ZNF804A: variants seen among roughly 807,000 people sequenced by gnomAD.
ZNF804A encodes the protein zinc finger protein 804A.
ZNF804A carries 2 observed loss-of-function variants against 16.5 expected under a neutral mutation model. The ratio of observed to expected loss-of-function variants is 0.12; its 90% CI spans 0.05 to 0.38. The LOEUF (loss-of-function observed/expected upper bound fraction) is 0.38, where lower values mean the gene tolerates loss of function less well. ZNF804A is among the 10% of genes least tolerant of loss of function. The pLI, the probability that ZNF804A is intolerant of heterozygous loss-of-function variation, is 0.99. For missense variants in ZNF804A, 1,473 were observed against 1,390.7 expected (o/e 1.06, Z -0.94); for synonymous variants, 534 against 489.6 (o/e 1.09, Z -1.20).
chr2:184,641,250 C>G (rs1475931596), intron 1 of ZNF804A, among the ~76,000 whole-genome samples: 1 of 152,100 alleles, frequency 6.6e-6, no homozygotes. Flanking sequence ...CATACCCAGC[C>G]AAAACTTTTA....
intron 2 of ZNF804A, among the ~76,000 whole-genome samples, chr2:184,888,384 A>G (rs1427382967): frequency 1.3e-5 from 2 of 152,168 alleles, no homozygotes; most frequent in Non-Finnish European, 2.9e-5. Flanking sequence ...GAGATGTAAT[A>G]TATGTGTGGC....
At chr2:184,628,080 C>T (rs1045431275) in intron 1 of ZNF804A, among the ~76,000 whole-genome samples, 1 of 151,630 alleles carries the variant, frequency 6.6e-6, no homozygotes, top group African/African-American at 2.4e-5. Context: ...TTTGGGAGGC[C>T]GAGGCGGGCG....
intron 1 of ZNF804A, among the ~76,000 whole-genome samples, chr2:184,748,899 T>G (rs949039425): frequency 4.0e-5 from 6 of 151,694 alleles, no homozygotes; most frequent in Middle Eastern, 6.8e-3. Flanking sequence ...ATGTTGTAGG[T>G]GTGCGGCTTT....
chr2:184,654,221 A>G (rs1692039023), intron 1 of ZNF804A, among the ~76,000 whole-genome samples: 1 of 152,228 alleles, frequency 6.6e-6, no homozygotes, highest in Admixed American at 6.5e-5. Context: ...AGACACAAAG[A>G]CAGGCAAATA....
chr2:184,677,843 T>C (rs1474910411), intron 1 of ZNF804A, among the ~76,000 whole-genome samples: 1 of 152,074 alleles, frequency 6.6e-6, no homozygotes, highest in African/African-American at 2.4e-5. Context: ...TTTAAAATTA[T>C]ATAATTTTTA....
intron 1 of ZNF804A, among the ~76,000 whole-genome samples, chr2:184,603,460 G>T (rs1192953693): frequency 1.3e-5 from 2 of 152,072 alleles, no homozygotes; most frequent in Admixed American, 6.5e-5. Context: ...ACACTATTTG[G>T]CCTTTTGTTT....
At chr2:184,767,249 A>G (rs893650036) in intron 1 of ZNF804A, among the ~76,000 whole-genome samples, 8 of 152,186 alleles carry the variant, frequency 5.3e-5, no homozygotes, top group African/African-American at 1.7e-4. Context: ...TATGCACACA[A>G]TGGAATATTA....
intron 2 of ZNF804A, among the ~76,000 whole-genome samples, chr2:184,893,741 T>C (rs905286691): frequency 1.3e-5 from 2 of 152,186 alleles, no homozygotes; most frequent in Admixed American, 1.3e-4. Context: ...TGAGTCTTCA[T>C]AGACTTTGTG....
Position 184,887,190 on chromosome 2 carries a change from G to C in ZNF804A, c.255+20678G>C, listed in dbSNP as rs555695966. ...AGTTCCACAAATCTCCAGGGCAGGG[G>C]CAAAATGCCACCAGTCTGTTTGCTA... On this transcript the variant is annotated intron_variant, in intron 2 of 3. Transcript: ENST00000302277. Among the ~76,000 whole-genome samples, 303 of 152,280 alleles carry C rather than the reference G, an allele frequency of 2.0e-3. 1 individual carries two copies. The highest frequency in any genetic ancestry group is 7.0e-3 in the African/African-American group (291 of 41,560).
chr2:184,747,514 G>A (rs753630738), intron 1 of ZNF804A, among the ~76,000 whole-genome samples: 11 of 150,798 alleles, frequency 7.3e-5, no homozygotes, highest in African/African-American at 7.3e-5. Flanking sequence ...ACACCGTTAT[G>A]TATTTCATAA....
At chr2:184,787,474 C>T (rs950145943) in intron 1 of ZNF804A, among the ~76,000 whole-genome samples, 3 of 151,960 alleles carry the variant, frequency 2.0e-5, no homozygotes, top group South Asian at 2.1e-4. Context: ...TTGCTACCAA[C>T]AGTGTCTGAG....
rs540173351 is a variant in ZNF804A at position 184,699,076 on chromosome 2, G to A, written c.111+100006G>A. Among the ~76,000 whole-genome samples, 361 of 152,074 alleles carry A rather than the reference G, an allele frequency of 2.4e-3. 1 individual carries two copies. The highest frequency in any genetic ancestry group is 8.4e-3 in the African/African-American group (348 of 41,498). On this transcript the variant is annotated intron_variant, in intron 1 of 3. Transcript: ENST00000302277. ...GGGGTGGACACCTGAATAAAACTGG[G>A]ATTCTATAACTAAAGAAAGCAGGAA...
chr2:184,937,667 T>C lies in ZNF804A; in HGVS notation c.2271T>C (p.Gly757=). 1 of 1,614,032 alleles carries C rather than the reference T, an allele frequency of 6.2e-7. No individual in the cohort carries two copies. The highest frequency in any genetic ancestry group is 1.1e-5 in the South Asian group (1 of 91,080). Residue 757 remains glycine (G), a synonymous_variant, in exon 4 of 4, where the codon GGT becomes GGC. Coordinates refer to ENST00000302277, the MANE Select transcript of ZNF804A (RefSeq NM_194250.2). Reference sequence around the variant, plus strand: ...GTCAGAATCAGGCTGTTAAAAGAGGTTACAATTCTGTCATGAATGAATCAG... The same window carrying C: ...GTCAGAATCAGGCTGTTAAAAGAGGCTACAATTCTGTCATGAATGAATCAG... The part of the protein sequence containing the change: ...HMSQNQAVKR[G]YNSVMNESER...
Position 184,685,182 on chromosome 2 carries a change from T to A in ZNF804A, c.111+86112T>A, listed in dbSNP as rs71430158. On this transcript the variant is annotated intron_variant, in intron 1 of 3. Coordinates refer to ENST00000302277, the MANE Select transcript of ZNF804A (RefSeq NM_194250.2). ...CAGCTCCAGGCTCTGGCATAGGTGC[T>A]GGCTTCGTGTGAGGTTGTAGCTGGA... Among the ~76,000 whole-genome samples the A allele has an allele frequency of 4.9e-3, 750 of 152,188 alleles. 6 individuals carry two copies. Among genetic ancestry groups the A allele is most frequent in the Admixed American group, 9.4e-3 (143 of 15,290 alleles).
At chr2:184,786,206 C>T (rs1465805665) in intron 1 of ZNF804A, among the ~76,000 whole-genome samples, 1 of 151,956 alleles carries the variant, frequency 6.6e-6, no homozygotes, top group Admixed American at 6.6e-5. Context: ...CCTTTCTAGT[C>T]AGTAAATACT....
intron 1 of ZNF804A, among the ~76,000 whole-genome samples, chr2:184,754,859 G>T (rs562472957): frequency 1.3e-5 from 2 of 151,936 alleles, no homozygotes; most frequent in Non-Finnish European, 2.9e-5. Flanking sequence ...CATGGTGGAA[G>T]TTGAAGGAGA....
chr2:184,655,565 G>T (rs1053720542), intron 1 of ZNF804A, among the ~76,000 whole-genome samples: 2 of 152,016 alleles, frequency 1.3e-5, no homozygotes, highest in Non-Finnish European at 2.9e-5. Flanking sequence ...GGTCCTTTTT[G>T]GATGAAAGTG....
At position 184,935,773 on chromosome 2, in the gene ZNF804A, C is replaced by A. The variant is rs1685774498; in HGVS notation, c.387-10C>A. The A allele has an allele frequency of 6.4e-7, 1 of 1,566,124 alleles. No homozygotes were observed. Among genetic ancestry groups the A allele is most frequent in the Non-Finnish European group, 8.6e-7 (1 of 1,159,020 alleles). The stretch of plus-strand genomic sequence containing the variant: ...TGCTATTTAACACATGCTTCTGTTT[C>A]TCTCTCTAGTGCTCCTGGAAGTGGC... On this transcript the variant is annotated splice_polypyrimidine_tract_variant and intron_variant, in intron 3 of 3. Coordinates refer to ENST00000302277, the MANE Select transcript of ZNF804A (RefSeq NM_194250.2).
intron 1 of ZNF804A, among the ~76,000 whole-genome samples, chr2:184,757,461 C>T (rs948013055): frequency 3.2e-4 from 48 of 151,998 alleles, no homozygotes; most frequent in African/African-American, 1.1e-3. Flanking sequence ...ATATCTGTTC[C>T]TCTTAAATCA....
Sources: gnomAD v4.1 joint callset for allele counts (sites outside exome capture counted in the v4.1 genomes callset) on GRCh38, gnomAD v4.1.1 for gene constraint, MANE v1.5 for transcripts, NCBI Gene and HGNC (gene_info 2026-07-23, HGNC 2026-07-21) for gene names.